The following DCP1A variants were observed in gnomAD, a reference collection of about 807,000 sequenced individuals.
The protein encoded by DCP1A is mRNA-decapping enzyme 1A.
DCP1A carries 20 observed loss-of-function variants against 58.0 expected under a neutral mutation model. That is an observed-to-expected ratio of 0.34 (90% CI 0.24 to 0.50). The LOEUF is 0.50. Among genes scored for constraint, DCP1A ranks in the 20% least tolerant of loss-of-function variants. DCP1A has a pLI of 0.98. For missense variants in DCP1A, 613 were observed against 712.2 expected (o/e 0.86, Z 1.59); for synonymous variants, 285 against 275.1 (o/e 1.04, Z -0.36).
chr3:53,290,933 A>C, intron 7 of DCP1A, 77 bp from the exon 8 acceptor site: 1 of 1,273,294 alleles, frequency 7.9e-7, no homozygotes, highest in Non-Finnish European at 1.1e-6. Context: ...TAATTGAAAA[A>C]GACTTTCCCA....
At chr3:53,327,713 C>G (rs1161261147) in intron 3 of DCP1A, among the ~76,000 whole-genome samples, 1 of 151,196 alleles carries the variant, frequency 6.6e-6, no homozygotes, top group Non-Finnish European at 1.5e-5. Context: ...ATTGCTTGAG[C>G]CTGGGAGGCA....
At chr3:53,310,528 C>A (rs1195874242) in intron 5 of DCP1A, among the ~76,000 whole-genome samples, 1 of 152,130 alleles carries the variant, frequency 6.6e-6, no homozygotes, top group Admixed American at 6.5e-5. Context: ...TTACTAGGTA[C>A]CTATGAGAAC....
intron 4 of DCP1A, among the ~76,000 whole-genome samples, chr3:53,315,477 T>C (rs1183109224): frequency 4.2e-5 from 6 of 143,430 alleles, no homozygotes; most frequent in African/African-American, 1.6e-4. Flanking sequence ...GGGCGGAGGT[T>C]ACAGTGAACC....
At chr3:53,337,837 T>C (rs1346305692) in intron 3 of DCP1A, among the ~76,000 whole-genome samples, 3 of 152,232 alleles carry the variant, frequency 2.0e-5, no homozygotes, top group Non-Finnish European at 4.4e-5. Flanking sequence ...CATACAGCCA[T>C]GTAAATTCTA....
chr3:53,342,389 T>G lies in DCP1A; in HGVS notation c.177-118A>C, dbSNP rs1553692638. ...AATGCATTAGAACATTATACAATAT[T>G]ATCAGCACTTACATCTGTAAACAAA... On this transcript the variant is annotated intron_variant, in intron 2 of 9. Transcript: ENST00000610213. The G allele has an allele frequency of 5.5e-5, 43 of 775,326 alleles. No individual in the cohort carries two copies. The South Asian group carries it at 8.3e-4, about 15-fold the overall frequency. 48.0% of individuals were successfully genotyped at this position (775,326 alleles called of 1,614,324 possible). A position where few individuals can be genotyped will look rare whatever the true frequency, so the allele number is the denominator to read the frequency against.
intron 2 of DCP1A, among the ~76,000 whole-genome samples, chr3:53,343,713 G>T (rs188471868): frequency 4.3e-4 from 66 of 152,310 alleles, no homozygotes; most frequent in Middle Eastern, 6.8e-3. Context: ...CTGGGTTCAC[G>T]ATATTCTCCT....
Position 53,284,517 on chromosome 3 carries a change from C to T in DCP1A, c.*3063G>A, listed in dbSNP as rs1553684848. On this transcript the variant is annotated 3_prime_UTR_variant, in exon 10 of 10. Transcript: ENST00000610213. ...TGTGTGTCCCCCTGTAGAGAGGGGC[C>T]CAGCGTGACTTTTTTTTTTTTTTTT... 6.9e-6 allele frequency: 1 copy of T among 144,556 alleles called. No homozygotes were observed. The highest frequency in any genetic ancestry group is 1.5e-5 in the Non-Finnish European group (1 of 66,580). The allele number at this position is 144,556 out of a possible 1,614,324, so 9.0% of individuals were successfully genotyped here.
rs185293593 is a variant in DCP1A at position 53,304,676 on chromosome 3, G to C, written c.511-386C>G. Among the ~76,000 whole-genome samples the C allele has an allele frequency of 1.4e-3, 219 of 152,104 alleles. 1 individual carries two copies. The highest frequency in any genetic ancestry group is 2.6e-3 in the Admixed American group (40 of 15,270). Reference sequence around the variant, plus strand: ...CAACCTCTGCCTCCTGGGTTCAAGCGATTCTCCTGCCTCAGCCTCCCGAGT... The same window carrying C: ...CAACCTCTGCCTCCTGGGTTCAAGCCATTCTCCTGCCTCAGCCTCCCGAGT... On this transcript the variant is annotated intron_variant, in intron 5 of 9. Transcript: ENST00000610213.
In DCP1A at chr3:53,291,906, A is replaced by G. The variant is rs186628155; in HGVS notation, c.1383+163T>C. ...GAAAATATAAATTACTTGGTTGTTC[A>G]TGATAGGGCTTCTTACCTCACCTGT... On this transcript the variant is annotated intron_variant, in intron 7 of 9. Coordinates refer to ENST00000610213, the MANE Select transcript of DCP1A (RefSeq NM_018403.7). Among the ~76,000 whole-genome samples, 13 of 152,340 alleles carry G rather than the reference A, an allele frequency of 8.5e-5. No individual in the cohort carries two copies. The East Asian group carries it at 2.5e-3, about 29-fold the overall frequency.
intron 4 of DCP1A, 110 bp from the exon 5 acceptor site, chr3:53,312,489 A>G (rs1575605346): frequency 2.3e-6 from 2 of 860,262 alleles, no homozygotes; most frequent in Non-Finnish European, 3.3e-6. Context: ...ACATGATGAC[A>G]TTCTTCTTTT....
intron 3 of DCP1A, among the ~76,000 whole-genome samples, chr3:53,326,579 A>G (rs1708108255): frequency 6.6e-6 from 1 of 152,192 alleles, no homozygotes; most frequent in African/African-American, 2.4e-5. Flanking sequence ...TTGTCAGATC[A>G]GCTGTGGCAA....
chr3:53,323,861 CA>C (rs11451581), intron 3 of DCP1A, among the ~76,000 whole-genome samples: 952 of 72,806 alleles, frequency 0.013, 3 homozygotes, highest in African/African-American at 0.041. Flanking sequence ...GACTCTGTCT[CA>C]AAAAAAAAAA....
chr3:53,289,509 C>T (rs539603902), intron 8 of DCP1A, among the ~76,000 whole-genome samples: 4 of 150,762 alleles, frequency 2.7e-5, no homozygotes, highest in East Asian at 2.0e-4. Context: ...CTACTTGGGA[C>T]GCTGAAGCAG....
intron 4 of DCP1A, among the ~76,000 whole-genome samples, chr3:53,318,083 C>T (rs925337318): frequency 2.0e-5 from 3 of 152,164 alleles, no homozygotes; most frequent in Admixed American, 6.5e-5. Context: ...GTGGGAGGAA[C>T]GCTTGAGCCT....
intron 3 of DCP1A, among the ~76,000 whole-genome samples, chr3:53,324,692 T>A (rs959572595): frequency 1.3e-5 from 2 of 152,194 alleles, no homozygotes; most frequent in Non-Finnish European, 2.9e-5. Context: ...CTAACAGCTA[T>A]CCTAAGTCAG....
intron 3 of DCP1A, among the ~76,000 whole-genome samples, chr3:53,335,117 GTA>G (rs145672442): frequency 3.3e-5 from 5 of 149,618 alleles, no homozygotes; most frequent in Admixed American, 2.0e-4. Flanking sequence ...ACGCGCATGT[GTA>G]TATATATATA....
At chr3:53,307,123 A>G (rs1047240214) in intron 5 of DCP1A, among the ~76,000 whole-genome samples, 1 of 151,374 alleles carries the variant, frequency 6.6e-6, no homozygotes. Context: ...TAATTTTTCT[A>G]TTTTTAGTAG....
chr3:53,298,264 T>C (rs782125586), intron 6 of DCP1A, among the ~76,000 whole-genome samples: 19 of 152,324 alleles, frequency 1.2e-4, no homozygotes, highest in South Asian at 2.1e-4. Flanking sequence ...AACCACCATA[T>C]GGTAGAACCC....
At chr3:53,319,498 A>T in intron 3 of DCP1A, 25 bp from the exon 4 acceptor site, 1 of 1,435,936 alleles carries the variant, frequency 7.0e-7, no homozygotes. Flanking sequence ...GGAAAAAAAG[A>T]TAAGAAGAAA....
Sources: allele counts gnomAD v4.1 joint callset (sites outside exome capture counted in the v4.1 genomes callset), GRCh38; gene constraint gnomAD v4.1.1; transcripts MANE v1.5; gene names NCBI Gene and HGNC (gene_info 2026-07-23, HGNC 2026-07-21).